Variants in NBEA observed in about 807,000 individuals in gnomAD.
NBEA encodes the protein neurobeachin, also known as lysosomal-trafficking regulator 2.
In NBEA, 44 loss-of-function variants were observed where a neutral mutation model predicts 343.4. That is an observed-to-expected ratio of 0.13 (90% CI 0.10 to 0.16). The LOEUF (loss-of-function observed/expected upper bound fraction) is 0.16, where lower values mean the gene tolerates loss of function less well. NBEA is among the 10% of genes least tolerant of loss of function. The pLI is 1.00. For synonymous variants in NBEA, 1,175 were observed against 1,238.7 expected, an observed-to-expected ratio of 0.95 and a Z score of 1.08; for missense variants, 2,555 against 3,631.3, an observed-to-expected ratio of 0.70 and a Z score of 7.62.
chr13:35,394,020 G>A (rs1003580657), intron 38 of NBEA, among the ~76,000 whole-genome samples: 3 of 152,144 alleles, frequency 2.0e-5, no homozygotes, highest in Non-Finnish European at 2.9e-5. Flanking sequence ...AGCATACCAA[G>A]ATGACTAAGG....
chr13:35,336,096 T>C (rs1280152159), intron 36 of NBEA, among the ~76,000 whole-genome samples: 3 of 152,022 alleles, frequency 2.0e-5, no homozygotes, highest in African/African-American at 4.8e-5. Flanking sequence ...AGCTGACCAC[T>C]AAGGTAATGA....
At chr13:35,494,888 T>C (rs1258125449) in intron 41 of NBEA, among the ~76,000 whole-genome samples, 1 of 151,792 alleles carries the variant, frequency 6.6e-6, no homozygotes, top group Non-Finnish European at 1.5e-5. Context: ...CACATTCCTG[T>C]AGTCCCAGAT....
chr13:35,513,162 A>T (rs2077347708), intron 41 of NBEA, among the ~76,000 whole-genome samples: 1 of 143,772 alleles, frequency 7.0e-6, no homozygotes. Context: ...TTTAAGATGG[A>T]GTCTTGCTCT....
intron 41 of NBEA, among the ~76,000 whole-genome samples, chr13:35,481,257 G>T (rs2076110018): frequency 6.6e-6 from 1 of 151,884 alleles, no homozygotes; most frequent in Non-Finnish European, 1.5e-5. Context: ...AAAAATGGAA[G>T]TTGGGAGTAT....
At chr13:35,469,824 C>G (rs1227952480) in intron 40 of NBEA, among the ~76,000 whole-genome samples, 1 of 152,166 alleles carries the variant, frequency 6.6e-6, no homozygotes, top group Admixed American at 6.6e-5. Context: ...TCTTTGTAAA[C>G]TATTTTTATT....
chr13:35,015,533 CT>C (rs2061628090), intron 1 of NBEA, among the ~76,000 whole-genome samples: 1 of 151,564 alleles, frequency 6.6e-6, no homozygotes, highest in Non-Finnish European at 1.5e-5. Flanking sequence ...TGTCAGTTTT[CT>C]TTTATGTGGA....
At chr13:35,284,062 C>G (rs918671336) in intron 34 of NBEA, among the ~76,000 whole-genome samples, 1 of 151,846 alleles carries the variant, frequency 6.6e-6, no homozygotes, top group African/African-American at 2.4e-5. Context: ...TAAATAGTTT[C>G]CTTGGAAGAC....
chr13:35,632,551 A>G (rs539820742), intron 49 of NBEA, among the ~76,000 whole-genome samples: 5 of 151,884 alleles, frequency 3.3e-5, no homozygotes, highest in African/African-American at 9.7e-5. Flanking sequence ...CCATGTACCT[A>G]TCACCCAATT....
intron 38 of NBEA, among the ~76,000 whole-genome samples, chr13:35,387,341 T>C (rs2042289501): frequency 6.6e-6 from 1 of 152,170 alleles, no homozygotes; most frequent in Non-Finnish European, 1.5e-5. Flanking sequence ...TTAGTTTTCA[T>C]TGAGTAGGGA....
At chr13:35,038,817 G>T (rs1439321616) in intron 1 of NBEA, among the ~76,000 whole-genome samples, 2 of 152,116 alleles carry the variant, frequency 1.3e-5, no homozygotes, top group African/African-American at 4.8e-5. Context: ...CACAAGCTGT[G>T]CAGTCTGGGG....
intron 1 of NBEA, among the ~76,000 whole-genome samples, chr13:34,967,674 A>G (rs1169223033): frequency 2.6e-5 from 4 of 152,132 alleles, no homozygotes; most frequent in Non-Finnish European, 4.4e-5. Context: ...AACATTTTCT[A>G]TAAGGATCCA....
chr13:35,211,451 A>T (rs1209545096), intron 33 of NBEA, among the ~76,000 whole-genome samples: 1 of 152,120 alleles, frequency 6.6e-6, no homozygotes, highest in African/African-American at 2.4e-5. Flanking sequence ...TTTCCGGTAA[A>T]GGTTAAAACA....
chr13:35,453,441 G>A (rs2046405983), intron 40 of NBEA, among the ~76,000 whole-genome samples: 1 of 152,056 alleles, frequency 6.6e-6, no homozygotes, highest in African/African-American at 2.4e-5. Flanking sequence ...CGTTGTTTTT[G>A]TGGTTTGTTT....
intron 48 of NBEA, among the ~76,000 whole-genome samples, chr13:35,614,441 C>A (rs1254162692): frequency 6.6e-6 from 1 of 152,166 alleles, no homozygotes; most frequent in Non-Finnish European, 1.5e-5. Flanking sequence ...TAGCCCTCAG[C>A]CATACCAATG....
intron 2 of NBEA, among the ~76,000 whole-genome samples, chr13:35,043,099 G>C (rs2062713610): frequency 6.6e-6 from 1 of 151,664 alleles, no homozygotes; most frequent in African/African-American, 2.4e-5. Flanking sequence ...TGAGCTGCTT[G>C]GTTGTGTTAC....
chr13:35,406,454 C>T (rs933795681), intron 38 of NBEA, among the ~76,000 whole-genome samples: 4 of 152,062 alleles, frequency 2.6e-5, no homozygotes, highest in Admixed American at 1.3e-4. Context: ...TATCCCTCAT[C>T]CCCTCCCACC....
At chr13:35,146,946 G>A (rs1167712816) in intron 18 of NBEA, among the ~76,000 whole-genome samples, 2 of 152,132 alleles carry the variant, frequency 1.3e-5, no homozygotes, top group African/African-American at 4.8e-5. Flanking sequence ...AGTGTGTCCC[G>A]AGTAAAGTTT....
rs146089406 is a variant in NBEA at position 34,986,605 on chromosome 13, T to A, written c.294+43491T>A. ...TGGATATCCTTGTTAACCTTTGGTCTCATTGATCTGTCTAATATTGACAGT... is the reference window on the plus strand; with the variant it reads ...TGGATATCCTTGTTAACCTTTGGTCACATTGATCTGTCTAATATTGACAGT... On this transcript the variant is annotated intron_variant, in intron 1 of 58. Transcript: ENST00000379939. 4.7e-3 allele frequency among the ~76,000 whole-genome samples: 705 copies of A among 151,042 alleles called. 39 individuals carry two copies. Among genetic ancestry groups the A allele is most frequent in the Non-Finnish European group, 6.9e-3 (462 of 67,394 alleles).
chr13:35,084,643 A>T (rs1477242076), intron 10 of NBEA, among the ~76,000 whole-genome samples: 1 of 152,306 alleles, frequency 6.6e-6, no homozygotes, highest in East Asian at 1.9e-4. Flanking sequence ...AAGATCTAAA[A>T]TTGACACCCT....
Sources: allele counts gnomAD v4.1 joint callset (sites outside exome capture counted in the v4.1 genomes callset), GRCh38; gene constraint gnomAD v4.1.1; transcripts MANE v1.5; gene names NCBI Gene and HGNC (gene_info 2026-07-23, HGNC 2026-07-21).